Variants in LIMA1 observed in about 807,000 individuals in gnomAD.
The protein encoded by LIMA1 is LIM domain and actin binding 1, also known as LIM domain and actin-binding protein 1.
Under a neutral mutation model 62.6 loss-of-function variants are expected in LIMA1, and 52 were observed. That is an observed-to-expected ratio of 0.83 (90% CI 0.67 to 1.05). The LOEUF is 1.05. Among genes scored for constraint, LIMA1 ranks in the 50% least tolerant of loss-of-function variants. The pLI, the probability that LIMA1 is intolerant of heterozygous loss-of-function variation, is 0.00. For synonymous variants in LIMA1, 302 were observed against 317.8 expected, an observed-to-expected ratio of 0.95 and a Z score of 0.53; for missense variants, 780 against 902.2, an observed-to-expected ratio of 0.86 and a Z score of 1.74.
Position 50,222,332 on chromosome 12 carries a change from C to T in LIMA1, c.319G>A (p.Glu107Lys). The T allele has an allele frequency of 6.2e-7, 1 of 1,614,132 alleles. No individual in the cohort carries two copies. The highest frequency in any genetic ancestry group is 8.5e-7 in the Non-Finnish European group (1 of 1,180,030). Residue 107 changes from glutamate (E) to lysine (K), a missense_variant, in exon 4 of 11, where the codon GAA becomes AAA. Glu to Lys is a moderately conservative substitution (Grantham distance 56). Coordinates refer to ENST00000341247, the MANE Select transcript of LIMA1 (RefSeq NM_016357.5). ...CCAGAAGCAGCGTGGCTTGTCACTTCAGCAGGAGGATGGTCTGCTCTGTGC... is the reference window on the plus strand; with the variant it reads ...CCAGAAGCAGCGTGGCTTGTCACTTTAGCAGGAGGATGGTCTGCTCTGTGC... ...IRHRADHPPA[E>K]VTSHAASGAK... is the part of the protein sequence containing the mutation.
At chr12:50,242,475 C>T (rs1389919461) in intron 2 of LIMA1, among the ~76,000 whole-genome samples, 1 of 151,896 alleles carries the variant, frequency 6.6e-6, no homozygotes, top group East Asian at 1.9e-4. Context: ...CTCTACCCGG[C>T]CTCCTCCTGT....
At chr12:50,256,522 T>A (rs1941999414) in intron 1 of LIMA1, among the ~76,000 whole-genome samples, 1 of 152,224 alleles carries the variant, frequency 6.6e-6, no homozygotes, top group African/African-American at 2.4e-5. Flanking sequence ...ACCAGTTTTT[T>A]AATTAACGTC....
chr12:50,210,431 A>AAAAAAAAAT (rs1434565156), intron 4 of LIMA1, among the ~76,000 whole-genome samples: 1 of 151,644 alleles, frequency 6.6e-6, no homozygotes, highest in South Asian at 2.1e-4. Flanking sequence ...AAAAAAAAAA[A>AAAAAAAAAT]AAAAGAAAAA....
intron 3 of LIMA1, among the ~76,000 whole-genome samples, chr12:50,223,297 AC>A (rs1941478319): frequency 6.6e-6 from 1 of 151,942 alleles, no homozygotes; most frequent in Admixed American, 6.6e-5. Context: ...AGCCAGACCA[AC>A]ATGGAGAAAC....
At chr12:50,261,714 C>A (rs975868337) in intron 1 of LIMA1, among the ~76,000 whole-genome samples, 4 of 152,136 alleles carry the variant, frequency 2.6e-5, no homozygotes, top group African/African-American at 9.7e-5. Context: ...ATCTCCCAGG[C>A]TGGAACGCAG....
intron 4 of LIMA1, among the ~76,000 whole-genome samples, chr12:50,208,585 T>C (rs1194332897): frequency 1.3e-5 from 2 of 151,538 alleles, no homozygotes; most frequent in African/African-American, 4.9e-5. Context: ...GGGAGGTGTA[T>C]GTTGCAGTGA....
intron 1 of LIMA1, among the ~76,000 whole-genome samples, chr12:50,252,579 C>CAAAAAAAAAA (rs397936373): frequency 3.4e-5 from 2 of 59,002 alleles, no homozygotes; most frequent in Non-Finnish European, 6.4e-5. Flanking sequence ...GAAACTGTCT[C>CAAAAAAAAAA]AAAAAAAAAA....
chr12:50,205,095 C>A (rs1941127001), intron 5 of LIMA1, among the ~76,000 whole-genome samples: 1 of 151,632 alleles, frequency 6.6e-6, no homozygotes, highest in African/African-American at 2.4e-5. Context: ...TTTTTTGAGA[C>A]AGGGTCTCAC....
At chr12:50,261,362 A>G (rs1377610301) in intron 1 of LIMA1, among the ~76,000 whole-genome samples, 6 of 151,870 alleles carry the variant, frequency 4.0e-5, no homozygotes, top group Non-Finnish European at 8.8e-5. Flanking sequence ...AAATAGAAGG[A>G]ACTCTATAAA....
At chr12:50,195,670 C>A (rs1454606803) in intron 8 of LIMA1, 160 bp downstream of exon 8, 2 of 558,768 alleles carry the variant, frequency 3.6e-6, no homozygotes, top group African/African-American at 3.9e-5. Context: ...TCTCCTTAAG[C>A]CATGAAGTGT....
At chr12:50,179,584 C>T (rs1241475440) in intron 10 of LIMA1, among the ~76,000 whole-genome samples, 1 of 149,716 alleles carries the variant, frequency 6.7e-6, no homozygotes, top group African/African-American at 2.5e-5. Context: ...ACTACAGGCA[C>T]TCGCCACCAC....
rs1369108495 is a variant in LIMA1, at chr12:50,176,561, CTAAA to C, written c.*499_*502del. Reference sequence around the variant, plus strand: ...AAAATTAACCTAAAAAATTTAAAGACTAAATAATCTCTTAACAGGTAAATACTAA... The same window carrying C: ...AAAATTAACCTAAAAAATTTAAAGACTAATCTCTTAACAGGTAAATACTAA... On this transcript the variant is annotated 3_prime_UTR_variant, in exon 11 of 11. Transcript: ENST00000341247. The C allele has an allele frequency of 6.6e-6, 1 of 152,592 alleles. No individual in the cohort carries two copies. Among genetic ancestry groups the C allele is most frequent in the Non-Finnish European group, 1.5e-5 (1 of 68,076 alleles). 9.5% of individuals were successfully genotyped at this position (152,592 alleles called of 1,614,324 possible).
At chr12:50,213,581 A>G (rs1205699443) in intron 4 of LIMA1, among the ~76,000 whole-genome samples, 1 of 152,258 alleles carries the variant, frequency 6.6e-6, no homozygotes, top group African/African-American at 2.4e-5. Context: ...CTATATGTCA[A>G]CAATTTTGAT....
chr12:50,273,910 G>C (rs545947063), intron 1 of LIMA1, among the ~76,000 whole-genome samples: 1 of 152,298 alleles, frequency 6.6e-6, no homozygotes, highest in East Asian at 1.9e-4. Context: ...AAATGTAATA[G>C]GAGTTGATAG....
At position 50,209,887 on chromosome 12, in the gene LIMA1, T is replaced by C. The variant is rs998907022; in HGVS notation, c.631-3819A>G. Among the ~76,000 whole-genome samples, 10 of 152,040 alleles carry C rather than the reference T, an allele frequency of 6.6e-5. 1 individual carries two copies. Among genetic ancestry groups the C allele is most frequent in the Admixed American group, 2.6e-4 (4 of 15,260 alleles). Reference sequence around the variant, plus strand: ...CATGTTGGTCAAGCTGGTCTGAAACTCCTGACCTCAAATGATCTGCCCTCC... The same window carrying C: ...CATGTTGGTCAAGCTGGTCTGAAACCCCTGACCTCAAATGATCTGCCCTCC... On this transcript the variant is annotated intron_variant, in intron 4 of 10. Transcript: ENST00000341247.
intron 3 of LIMA1, among the ~76,000 whole-genome samples, chr12:50,228,437 G>A (rs1489977710): frequency 6.6e-6 from 1 of 152,174 alleles, no homozygotes; most frequent in Non-Finnish European, 1.5e-5. Context: ...CAGCTTACCT[G>A]TGTGTTTGAT....
chr12:50,232,662 C>A (rs971719524), intron 2 of LIMA1, among the ~76,000 whole-genome samples: 1 of 152,188 alleles, frequency 6.6e-6, no homozygotes, highest in Admixed American at 6.5e-5. Context: ...AGCCACCAGG[C>A]CCAGCCCCCC....
At chr12:50,193,079 T>G (rs1247300603) in intron 8 of LIMA1, among the ~76,000 whole-genome samples, 3 of 152,164 alleles carry the variant, frequency 2.0e-5, no homozygotes, top group Admixed American at 6.5e-5. Flanking sequence ...TACCAATGGA[T>G]GAAGATTATG....
chr12:50,272,592 C>CAAA (rs1004308971), intron 1 of LIMA1, among the ~76,000 whole-genome samples: 4 of 95,432 alleles, frequency 4.2e-5, no homozygotes, highest in Non-Finnish European at 6.4e-5. Context: ...AACTCCGTCT[C>CAAA]AAAAAAAAAA....
Sources: gnomAD v4.1 joint callset for allele counts (sites outside exome capture counted in the v4.1 genomes callset) on GRCh38, gnomAD v4.1.1 for gene constraint, MANE v1.5 for transcripts, NCBI Gene and HGNC (gene_info 2026-07-23, HGNC 2026-07-21) for gene names.